TPO: variants seen among roughly 807,000 people sequenced by gnomAD.
TPO encodes the protein thyroid microsomal antigen.
In TPO, 78 loss-of-function variants were observed where a neutral mutation model predicts 96.9. The observed-to-expected ratio is 0.81, with a 90% CI of 0.67 to 0.97. The LOEUF (loss-of-function observed/expected upper bound fraction) is 0.97. TPO is among the 50% of genes least tolerant of loss of function. TPO has a pLI of 0.00. For synonymous variants in TPO, 547 were observed against 538.0 expected (o/e 1.02, Z -0.23); for missense variants, 1,252 against 1,274.8 (o/e 0.98, Z 0.27).
At chr2:1,461,152 G>A (rs1668390506) in intron 7 of TPO, among the ~76,000 whole-genome samples, 1 of 152,098 alleles carries the variant, frequency 6.6e-6, no homozygotes, top group East Asian at 1.9e-4. Context: ...CACACCGTGG[G>A]GGAGGTTGGG....
At chr2:1,498,727 G>A (rs891526486) in intron 13 of TPO, among the ~76,000 whole-genome samples, 2 of 152,138 alleles carry the variant, frequency 1.3e-5, no homozygotes, top group African/African-American at 2.4e-5. Flanking sequence ...CTACTCTGTC[G>A]GGTGATGACA....
At chr2:1,406,144 G>C (rs1051372070) in intron 1 of TPO, among the ~76,000 whole-genome samples, 2 of 152,208 alleles carry the variant, frequency 1.3e-5, no homozygotes, top group Non-Finnish European at 2.9e-5. Flanking sequence ...ATGCCTGCAA[G>C]TTGGGAGCTG....
chr2:1,410,844 CGT>C (rs1205741907), upstream of TPO, among the ~76,000 whole-genome samples: 3 of 152,034 alleles, frequency 2.0e-5, no homozygotes, highest in African/African-American at 4.8e-5. Context: ...TGGGAGAAGA[CGT>C]GTATTTTTTT....
At chr2:1,437,189 A>G (rs1665662005) in intron 5 of TPO, among the ~76,000 whole-genome samples, 1 of 152,188 alleles carries the variant, frequency 6.6e-6, no homozygotes, top group African/African-American at 2.4e-5. Context: ...AAAGAGCAAG[A>G]TGCGTTTGGG....
In TPO at chr2:1,389,620, G is replaced by C. The variant is rs189501048; in HGVS notation, n.180+15218G>C. Among the ~76,000 whole-genome samples, 244 of 152,184 alleles carry C rather than the reference G, an allele frequency of 1.6e-3. 1 individual carries two copies. Among genetic ancestry groups the C allele is most frequent in the African/African-American group, 5.6e-3 (233 of 41,532 alleles). On this transcript the variant is annotated intron_variant and non_coding_transcript_variant, in intron 1 of 5. Transcript: ENST00000497517. ...CATGGTGATAATGATTTGCTCAGTA[G>C]GGCTTCCTCCCAAGCCATGGCATGC...
At chr2:1,392,001 C>T (rs1662008682) in intron 1 of TPO, among the ~76,000 whole-genome samples, 1 of 152,160 alleles carries the variant, frequency 6.6e-6, no homozygotes, top group Non-Finnish European at 1.5e-5. Flanking sequence ...ATTGAATACC[C>T]TTTATTTCTT....
chr2:1,479,296 T>G (rs1345552265), intron 8 of TPO, among the ~76,000 whole-genome samples: 1 of 152,244 alleles, frequency 6.6e-6, no homozygotes, highest in Non-Finnish European at 1.5e-5. Context: ...CTTCCCTGAC[T>G]GCGACCTCCA....
Position 1,522,972 on chromosome 2 carries a change from AC to A in TPO, c.2618+5992del, listed in dbSNP as rs564538716. On this transcript the variant is annotated intron_variant, in intron 15 of 16. Coordinates refer to ENST00000329066, the MANE Select transcript of TPO (RefSeq NM_001206744.2). Reference sequence around the variant, plus strand: ...CCCCAAATTCCCCCCACTGTGTGCAACCTCCTCAGATCCCTCCCACGCTGTG... The same window carrying A: ...CCCCAAATTCCCCCCACTGTGTGCAACTCCTCAGATCCCTCCCACGCTGTG... 1.4e-4 allele frequency among the ~76,000 whole-genome samples: 19 copies of A among 133,952 alleles called. No homozygotes were observed. The South Asian group carries it at 4.8e-3, about 34-fold the overall frequency. 87.9% of individuals were successfully genotyped at this position (133,952 alleles called of 152,430 possible). A position where few individuals can be genotyped will look rare whatever the true frequency, so the allele number is the denominator to read the frequency against.
intron 8 of TPO, among the ~76,000 whole-genome samples, chr2:1,484,094 C>A (rs763415035): frequency 6.6e-6 from 1 of 152,208 alleles, no homozygotes. Flanking sequence ...AATCTTGGTA[C>A]ATAATTCTCC....
At chr2:1,391,674 G>A (rs141800872) in intron 1 of TPO, among the ~76,000 whole-genome samples, 1,729 of 152,202 alleles carry the variant, frequency 0.011, 36 homozygotes, top group African/African-American at 0.04. Context: ...ATTTGTTTGT[G>A]TCCTCTTTTA....
At chr2:1,495,158 A>G (rs941209231) in intron 11 of TPO, among the ~76,000 whole-genome samples, 1 of 152,154 alleles carries the variant, frequency 6.6e-6, no homozygotes, top group Admixed American at 6.5e-5. Context: ...GGTGCCCCCA[A>G]TTTCTCATCC....
At chr2:1,446,493 T>G (rs908787768) in intron 5 of TPO, among the ~76,000 whole-genome samples, 2 of 152,166 alleles carry the variant, frequency 1.3e-5, no homozygotes, top group Non-Finnish European at 2.9e-5. Context: ...ATTTTGGCCC[T>G]TCTTGAGGGG....
chr2:1,402,500 G>A (rs552430462), intron 1 of TPO, among the ~76,000 whole-genome samples: 4 of 152,174 alleles, frequency 2.6e-5, no homozygotes, highest in South Asian at 4.2e-4. Flanking sequence ...GTCCATTTTC[G>A]TGCTACTGAT....
At chr2:1,488,467 G>GC (rs936610195) in intron 10 of TPO, among the ~76,000 whole-genome samples, 1 of 152,068 alleles carries the variant, frequency 6.6e-6, no homozygotes, top group African/African-American at 2.4e-5. Flanking sequence ...CAGGCCAGCA[G>GC]CCCCCTGTGC....
intron 14 of TPO, chr2:1,512,549 G>A: frequency 3.2e-6 from 3 of 938,644 alleles, no homozygotes; most frequent in South Asian, 9.8e-5. Context: ...CCCCTGCTGG[G>A]CTCCTGGCTG....
chr2:1,483,629 A>G (rs78863176), intron 8 of TPO, among the ~76,000 whole-genome samples: 7,408 of 152,254 alleles, frequency 0.049, 234 homozygotes, highest in Middle Eastern at 0.13. Context: ...TGGGATGCTG[A>G]CCCATAGCAC....
chr2:1,464,101 T>G (rs1290659774), intron 7 of TPO, among the ~76,000 whole-genome samples: 2 of 152,210 alleles, frequency 1.3e-5, no homozygotes, highest in Admixed American at 6.5e-5. Context: ...CTTACGCCTT[T>G]ACATCCCCAT....
At chr2:1,391,051 A>G (rs556821694) in intron 1 of TPO, among the ~76,000 whole-genome samples, 2 of 152,162 alleles carry the variant, frequency 1.3e-5, no homozygotes, top group African/African-American at 4.8e-5. Context: ...CCCATTTGTC[A>G]ATTTTGGCTT....
chr2:1,459,499 C>T (rs1573280632), intron 7 of TPO, among the ~76,000 whole-genome samples: 3 of 152,138 alleles, frequency 2.0e-5, no homozygotes, highest in Non-Finnish European at 1.5e-5. Context: ...GATCTCATGT[C>T]CTCTCTAACA....
Sources: allele counts gnomAD v4.1 joint callset (sites outside exome capture counted in the v4.1 genomes callset), GRCh38; gene constraint gnomAD v4.1.1; transcripts MANE v1.5; gene names NCBI Gene and HGNC (gene_info 2026-07-23, HGNC 2026-07-21).